The following SETX variants were observed in gnomAD, a reference collection of about 807,000 sequenced individuals.
SETX encodes the protein helicase senataxin.
A neutral mutation model predicts 227.2 loss-of-function variants in SETX; 90 were observed. The observed-to-expected ratio is 0.40, with a 90% CI of 0.33 to 0.47. SETX has a LOEUF of 0.47. Ranked by LOEUF, SETX falls within the 20% of genes least tolerant of loss-of-function variation. SETX has a pLI of 0.91. For synonymous variants in SETX, 1,210 were observed against 1,113.2 expected (o/e 1.09, Z -1.73); for missense variants, 3,052 against 3,181.5 (o/e 0.96, Z 0.98).
At chr9:132,355,004 G>C (rs1848836519), upstream of SETX, 1 of 152,178 alleles carries the variant, frequency 6.6e-6, no homozygotes, top group South Asian at 2.1e-4. Context: ...CGCAGCCGCA[G>C]CTACCAACCA....
intron 10 of SETX, among the ~76,000 whole-genome samples, chr9:132,323,639 C>T (rs924899864): frequency 2.0e-4 from 30 of 152,120 alleles, no homozygotes; most frequent in African/African-American, 6.8e-4. Context: ...GGATGGCTCA[C>T]GCCTGTAATC....
At position 132,271,797 on chromosome 9, in the gene SETX, A is replaced by G. The variant is rs368555150; in HGVS notation, c.7112T>C (p.Val2371Ala). ...ACCCTGGAATGCATCCACAGTGTCT[A>G]CTTCTGCTGGTCTATTTACAAAAGA... The part of the protein sequence containing the change: ...KEFDRKGPAE[V>A]DTVDAFQGRQ... The change falls in exon 24 of 26, where the codon GTA becomes GCA. Residue 2371 changes from valine (V) to alanine (A), a missense_variant. This residue lies in a region of SETX where 412 missense variants were observed against 589.0 expected (regional missense o/e 0.70). Transcript: ENST00000224140. 8.7e-6 allele frequency: 14 copies of G among 1,613,430 alleles called. No homozygotes were observed. The highest frequency in any genetic ancestry group is 1.2e-5 in the Non-Finnish European group (14 of 1,179,384).
chr9:132,273,076 T>C (rs28607560), intron 23 of SETX, among the ~76,000 whole-genome samples: 1 of 150,446 alleles, frequency 6.6e-6, no homozygotes. Context: ...CTACTAAAAA[T>C]GAAAAAACAC....
intron 10 of SETX, among the ~76,000 whole-genome samples, chr9:132,323,932 G>T (rs1184499633): frequency 1.3e-5 from 2 of 151,894 alleles, no homozygotes; most frequent in Admixed American, 1.3e-4. Context: ...GATAAAAATG[G>T]AAAGAAATTT....
At chr9:132,306,731 G>C (rs1564514649) in intron 11 of SETX, among the ~76,000 whole-genome samples, 1 of 151,926 alleles carries the variant, frequency 6.6e-6, no homozygotes, top group Non-Finnish European at 1.5e-5. Context: ...TTAGAGACAG[G>C]GTCTTGTTAT....
chr9:132,310,819 G>A (rs868208737), intron 11 of SETX, among the ~76,000 whole-genome samples: 28 of 152,146 alleles, frequency 1.8e-4, no homozygotes, highest in African/African-American at 6.3e-4. Flanking sequence ...TGAGTGTGAC[G>A]ATGATAAAGA....
At position 132,278,437 on chromosome 9, in the gene SETX, C is replaced by CTTT. The variant is rs67558000; in HGVS notation, c.6655-183_6655-181dup. On this transcript the variant is annotated intron_variant, in intron 20 of 25. Transcript: ENST00000224140. ...CTCTGAGCCTCAAAATGCCATGAAT[C>CTTT]TTTTTTTTTTTTTTTTTTTTTTTTT... is the stretch of plus-strand genomic sequence containing the variant. 5.1e-3 allele frequency among the ~76,000 whole-genome samples: 434 copies of CTTT among 84,836 alleles called. 54 individuals carry two copies. Among genetic ancestry groups the CTTT allele is most frequent in the Non-Finnish European group, 8.1e-3 (327 of 40,162 alleles). The allele number at this position is 84,836 out of a possible 152,430, so 55.7% of individuals were successfully genotyped here. A position where few individuals can be genotyped will look rare whatever the true frequency, so the allele number is the denominator to read the frequency against.
chr9:132,335,227 A>T (rs1190074281), intron 6 of SETX, among the ~76,000 whole-genome samples: 3 of 151,354 alleles, frequency 2.0e-5, no homozygotes, highest in Non-Finnish European at 4.4e-5. Flanking sequence ...CGTCTCTACT[A>T]AAAATACAAA....
At chr9:132,294,013 G>C (rs1844513393) in intron 15 of SETX, among the ~76,000 whole-genome samples, 1 of 152,058 alleles carries the variant, frequency 6.6e-6, no homozygotes, top group Non-Finnish European at 1.5e-5. Flanking sequence ...GACAGGGTGA[G>C]ACTCCGTCTC....
At chr9:132,324,906 T>C (rs1464057928) in intron 10 of SETX, among the ~76,000 whole-genome samples, 4 of 152,210 alleles carry the variant, frequency 2.6e-5, no homozygotes, top group Non-Finnish European at 4.4e-5. Flanking sequence ...CTAAACGCAG[T>C]TGAATGCTTA....
chr9:132,321,643 C>A (rs1455891092), intron 10 of SETX, among the ~76,000 whole-genome samples: 10 of 107,164 alleles, frequency 9.3e-5, no homozygotes, highest in African/African-American at 3.7e-4. Flanking sequence ...GGCAACAGAG[C>A]GATACTGTCT....
At position 132,261,699 on chromosome 9, in the gene SETX, A is replaced by G. The variant is rs1299501885; in HGVS notation, c.*2540T>C. 6.5e-6 allele frequency: 1 copy of G among 153,558 alleles called. No homozygotes were observed. Among genetic ancestry groups the G allele is most frequent in the Non-Finnish European group, 1.5e-5 (1 of 68,220 alleles). The allele number at this position is 153,558 out of a possible 1,614,324, so 9.5% of individuals were successfully genotyped here. On this transcript the variant is annotated 3_prime_UTR_variant, in exon 26 of 26. Coordinates refer to ENST00000224140, the MANE Select transcript of SETX (RefSeq NM_015046.7). ...AATTCATTTACAGGAGGTTATTCAC[A>G]TGTACTTGTCAAATTTACTCCTGAT...
intron 10 of SETX, among the ~76,000 whole-genome samples, chr9:132,326,065 C>CT (rs1245990602): frequency 6.6e-6 from 1 of 150,978 alleles, no homozygotes; most frequent in Admixed American, 6.6e-5. Flanking sequence ...TTTAACTATA[C>CT]TTTTTTTTGT....
rs151117904 is a variant in SETX at position 132,264,633 on chromosome 9, A to G, written c.7640T>C (p.Ile2547Thr). Residue 2547 changes from isoleucine to threonine, a missense_variant, in exon 26 of 26, where the codon ATT (isoleucine) becomes ACT (threonine). This residue lies in a region of SETX where 294 missense variants were observed against 278.8 expected (regional missense o/e 1.05). Transcript: ENST00000224140. ...AAGGAATATTCCTCCTTTGACCTCA[A>G]TGCCCATCCTCTTCAGCAGTCGTGG... ...QDPRLLKRMGIEVKGGIFLWD... is the reference protein window; with the variant it reads ...QDPRLLKRMGTEVKGGIFLWD... 5.1e-3 allele frequency: 8,225 copies of G among 1,614,206 alleles called. 29 individuals are homozygous for G. Among genetic ancestry groups the G allele is most frequent in the Middle Eastern group, 0.01 (63 of 6,062 alleles).
chr9:132,328,158 A>T lies in SETX; in HGVS notation c.3440T>A (p.Ile1147Asn). The change falls in exon 10 of 26, where the codon ATT becomes AAT. Residue 1147 changes from isoleucine (I) to asparagine (N), a missense_variant. Physicochemically the swap from Ile to Asn is moderately radical, Grantham distance 149. This residue lies in a region of SETX where 1,483 missense variants were observed against 1,312.0 expected (regional missense o/e 1.13). Transcript: ENST00000224140. ...GIEEHTRPRS[I>N]SVEEFCEIEV... is the part of the protein sequence containing the mutation. ...AATTTCACAAAATTCTTCAACAGAA[A>T]TACTCCGTGGTCTTGTGTGTTCTTC... is the stretch of plus-strand genomic sequence containing the variant. 1.9e-6 allele frequency: 3 copies of T among 1,614,172 alleles called. No homozygotes were observed. Among genetic ancestry groups the T allele is most frequent in the Non-Finnish European group, 2.5e-6 (3 of 1,180,038 alleles).
In SETX at chr9:132,264,983, T is replaced by A. The variant is rs912160285; in HGVS notation, c.7290A>T (p.Glu2430Asp). ...GAATCAGCTGATTCCAATGCTGGTT[T>A]TCCTTGAAACAATGAGAAGGGAGAA... ...FILGHLRTLM[E>D]NQHWNQLIQD... The change falls in exon 26 of 26, where the codon GAA becomes GAT. Residue 2430 changes from glutamate to aspartate, a missense_variant and splice_region_variant. Transcript: ENST00000224140. The A allele has an allele frequency of 3.1e-6, 5 of 1,613,398 alleles. No homozygotes were observed. Among genetic ancestry groups the A allele is most frequent in the African/African-American group, 1.3e-5 (1 of 74,932 alleles).
At chr9:132,344,099 G>A (rs371803071) in intron 4 of SETX, among the ~76,000 whole-genome samples, 11 of 152,254 alleles carry the variant, frequency 7.2e-5, no homozygotes, top group Admixed American at 2.6e-4. Flanking sequence ...ACCTAAAGTC[G>A]ACCCTCCAGA....
chr9:132,276,044 C>T (rs1043515345), intron 22 of SETX, among the ~76,000 whole-genome samples: 8 of 152,158 alleles, frequency 5.3e-5, no homozygotes, highest in African/African-American at 1.7e-4. Context: ...CTCCTGAAAA[C>T]ACATGCTCCC....
At chr9:132,316,281 T>C (rs1845962711) in intron 10 of SETX, among the ~76,000 whole-genome samples, 1 of 152,240 alleles carries the variant, frequency 6.6e-6, no homozygotes, top group Non-Finnish European at 1.5e-5. Flanking sequence ...CTATTTGTTG[T>C]CCATCTTCTA....
Sources: gnomAD v4.1 joint callset for allele counts (sites outside exome capture counted in the v4.1 genomes callset) on GRCh38, gnomAD v4.1.1 for gene constraint, gnomAD v4.1.1 regional missense constraint, MANE v1.5 for transcripts, NCBI Gene and HGNC (gene_info 2026-07-23, HGNC 2026-07-21) for gene names.